The following PLEKHG1 variants were observed in gnomAD, a reference collection of about 807,000 sequenced individuals.
PLEKHG1 encodes pleckstrin homology domain-containing family G member 1.
In PLEKHG1, 44 loss-of-function variants were observed where a neutral mutation model predicts 100.8. The observed-to-expected ratio is 0.44, with a 90% CI of 0.34 to 0.56. The LOEUF is 0.56. Ranked by LOEUF, PLEKHG1 falls within the 20% of genes least tolerant of loss-of-function variation. The pLI is 0.01. For missense variants in PLEKHG1, 1,545 were observed against 1,720.9 expected, an observed-to-expected ratio of 0.90 and a Z score of 1.81; for synonymous variants, 640 against 662.5, an observed-to-expected ratio of 0.97 and a Z score of 0.52.
At chr6:150,677,850 C>T (rs546750816) in intron 3 of PLEKHG1, among the ~76,000 whole-genome samples, 3 of 151,822 alleles carry the variant, frequency 2.0e-5, no homozygotes, top group African/African-American at 7.2e-5. Flanking sequence ...GTACTCCAGC[C>T]TGGGTGACAG....
chr6:150,606,313 G>T (rs1776595407), intron 1 of PLEKHG1, among the ~76,000 whole-genome samples: 1 of 152,158 alleles, frequency 6.6e-6, no homozygotes, highest in Non-Finnish European at 1.5e-5. Flanking sequence ...GGGCAACAAA[G>T]GCATTAGCTC....
chr6:150,625,880 G>A (rs763760878), intron 1 of PLEKHG1: 4 of 152,094 alleles, frequency 2.6e-5, no homozygotes, highest in Non-Finnish European at 5.9e-5. Flanking sequence ...TGAATTTGGG[G>A]GAGGCACACT....
upstream of PLEKHG1, among the ~76,000 whole-genome samples, chr6:150,718,469 CTTTTTT>C (rs3072740): frequency 1.5e-5 from 2 of 130,694 alleles, no homozygotes; most frequent in African/African-American, 5.6e-5. Context: ...CTTCCCTTTA[CTTTTTT>C]TTTTTTTTTT....
At chr6:150,800,616 T>C (rs1786634748) in intron 5 of PLEKHG1, 103 bp from the exon 7 acceptor site, 1 of 1,053,424 alleles carries the variant, frequency 9.5e-7, no homozygotes, top group Admixed American at 2.0e-5. Flanking sequence ...GCTCTGGAGC[T>C]ACCCTACTCA....
chr6:150,821,289 A>G (rs1465601649), intron 13 of PLEKHG1, 56 bp downstream of exon 14: 2 of 1,117,320 alleles, frequency 1.8e-6, no homozygotes, highest in African/African-American at 3.1e-5. Context: ...ACTAAATCAA[A>G]CCACACAAAA....
chr6:150,800,904 G>T (rs372179951), intron 6 of PLEKHG1, 35 bp downstream of exon 7: 154 of 1,589,994 alleles, frequency 9.7e-5, no homozygotes, highest in Non-Finnish European at 1.2e-4. Flanking sequence ...CTTTCCAGGG[G>T]ATGGGAGTTT....
chr6:150,704,366 TATAAC>T (rs1780921315), intron 3 of PLEKHG1, among the ~76,000 whole-genome samples: 1 of 152,242 alleles, frequency 6.6e-6, no homozygotes, highest in African/African-American at 2.4e-5. Flanking sequence ...GGGCTTTTCC[TATAAC>T]ACACCTCACC....
chr6:150,779,344 G>GTTTGTTTGTTTTTTTTTTTT (rs1257363893), intron 3 of PLEKHG1, among the ~76,000 whole-genome samples: 2 of 104,536 alleles, frequency 1.9e-5, no homozygotes, highest in African/African-American at 8.6e-5. Context: ...TTGTCAAGAA[G>GTTTGTTTGTTTTTTTTTTTT]TTTTTTTTTT....
chr6:150,810,924 A>G (rs75313855), intron 10 of PLEKHG1, among the ~76,000 whole-genome samples: 3 of 143,656 alleles, frequency 2.1e-5, no homozygotes, highest in Admixed American at 6.9e-5. Context: ...CTGTCTCAAG[A>G]AAAAAAAAAA....
intron 5 of PLEKHG1, among the ~76,000 whole-genome samples, chr6:150,796,444 A>G (rs369926876): frequency 1.3e-5 from 2 of 152,194 alleles, no homozygotes; most frequent in African/African-American, 2.4e-5. Context: ...TTGGAAATCA[A>G]TGGCACAAGG....
intron 3 of PLEKHG1, among the ~76,000 whole-genome samples, chr6:150,698,516 G>T (rs1302496561): frequency 1.3e-5 from 2 of 149,674 alleles, no homozygotes; most frequent in Non-Finnish European, 3.0e-5. Flanking sequence ...ACACGTACAT[G>T]AAAAAGTATG....
At chr6:150,822,421 T>TA (rs1255236359) in intron 13 of PLEKHG1, among the ~76,000 whole-genome samples, 1 of 152,212 alleles carries the variant, frequency 6.6e-6, no homozygotes, top group Non-Finnish European at 1.5e-5. Context: ...CATATCCTCT[T>TA]AACCCAACAG....
At chr6:150,783,431 G>A (rs1405701130) in intron 3 of PLEKHG1, among the ~76,000 whole-genome samples, 2 of 150,890 alleles carry the variant, frequency 1.3e-5, no homozygotes, top group African/African-American at 4.9e-5. Context: ...GTGCAATGGT[G>A]CAATCTCGGC....
At chr6:150,767,416 G>T (rs1265296276) in intron 2 of PLEKHG1, among the ~76,000 whole-genome samples, 3 of 152,152 alleles carry the variant, frequency 2.0e-5, no homozygotes, top group African/African-American at 7.2e-5. Context: ...TTGAAAAAAG[G>T]TTTATGTACA....
At chr6:150,839,258 G>A (rs765082821) in intron 15 of PLEKHG1, among the ~76,000 whole-genome samples, 9 of 152,144 alleles carry the variant, frequency 5.9e-5, no homozygotes, top group Non-Finnish European at 1.2e-4. Context: ...GGGACTACAG[G>A]TGCACGCCAC....
At chr6:150,718,905 GTGTT>G (rs895967707), upstream of PLEKHG1, among the ~76,000 whole-genome samples, 3 of 149,658 alleles carry the variant, frequency 2.0e-5, no homozygotes, top group African/African-American at 7.5e-5. Context: ...AAAAAAAAAT[GTGTT>G]TGTGTGTGTG....
chr6:150,603,025 T>A (rs1776419445), intron 1 of PLEKHG1, among the ~76,000 whole-genome samples: 2 of 131,106 alleles, frequency 1.5e-5, no homozygotes, highest in East Asian at 2.4e-4. Context: ...GAGCCTGCAG[T>A]GAGCCGAGAT....
chr6:150,666,324 C>T (rs1214768608), intron 3 of PLEKHG1, among the ~76,000 whole-genome samples: 1 of 152,178 alleles, frequency 6.6e-6, no homozygotes, highest in Admixed American at 6.5e-5. Flanking sequence ...CTTGGCCTTC[C>T]TCTCATTACA....
At chr6:150,647,691 G>T (rs1301641042) in intron 2 of PLEKHG1, among the ~76,000 whole-genome samples, 1 of 152,124 alleles carries the variant, frequency 6.6e-6, no homozygotes, top group African/African-American at 2.4e-5. Context: ...CTTCAGAAGT[G>T]TAATGAAGTT....
Sources: allele counts gnomAD v4.1 joint callset (sites outside exome capture counted in the v4.1 genomes callset), GRCh38; gene constraint gnomAD v4.1.1; transcripts MANE v1.5; gene names NCBI Gene and HGNC (gene_info 2026-07-23, HGNC 2026-07-21).